EGFLAM: variants seen among roughly 807,000 people sequenced by gnomAD.
The protein encoded by EGFLAM is EGF like, fibronectin type III and laminin G domains, also known as pikachurin.
EGFLAM carries 79 observed loss-of-function variants against 113.1 expected under a neutral mutation model. That is an observed-to-expected ratio of 0.70 (90% CI 0.58 to 0.84). The LOEUF is 0.84. Ranked by LOEUF, EGFLAM falls within the 40% of genes least tolerant of loss-of-function variation. EGFLAM has a pLI of 0.00. For missense variants in EGFLAM, 1,265 were observed against 1,291.6 expected, an observed-to-expected ratio of 0.98 and a Z score of 0.32; for synonymous variants, 504 against 487.6, an observed-to-expected ratio of 1.03 and a Z score of -0.44.
intron 1 of EGFLAM, among the ~76,000 whole-genome samples, chr5:38,337,140 C>G (rs558607342): frequency 6.6e-6 from 1 of 152,272 alleles, no homozygotes; most frequent in East Asian, 1.9e-4. Context: ...ATACATAAAA[C>G]ATATATGCTA....
At chr5:38,321,997 A>G (rs938041776) in intron 1 of EGFLAM, among the ~76,000 whole-genome samples, 2 of 152,134 alleles carry the variant, frequency 1.3e-5, no homozygotes, top group Non-Finnish European at 2.9e-5. Context: ...TCAAATTCCA[A>G]TTTCTCAGAC....
intron 1 of EGFLAM, among the ~76,000 whole-genome samples, chr5:38,300,512 A>G (rs2111824271): frequency 6.6e-6 from 1 of 152,008 alleles, no homozygotes; most frequent in Non-Finnish European, 1.5e-5. Context: ...AGCAGCTGGG[A>G]CTACAGGCAC....
chr5:38,342,948 C>T (rs1356391737), intron 3 of EGFLAM, among the ~76,000 whole-genome samples: 3 of 152,122 alleles, frequency 2.0e-5, no homozygotes, highest in African/African-American at 4.8e-5. Flanking sequence ...TTGCTGTCCC[C>T]GGCGATGCAC....
chr5:38,460,309 C>T (rs946449550), intron 20 of EGFLAM, among the ~76,000 whole-genome samples: 1 of 152,222 alleles, frequency 6.6e-6, no homozygotes, highest in Admixed American at 6.5e-5. Context: ...TATCAAGATA[C>T]ACTCTGGTGA....
chr5:38,266,623 T>C (rs1029469469), intron 1 of EGFLAM, among the ~76,000 whole-genome samples: 2 of 152,234 alleles, frequency 1.3e-5, no homozygotes, highest in African/African-American at 4.8e-5. Context: ...GTAACTTGTA[T>C]TGAATTGTAA....
At chr5:38,411,667 G>A (rs1019764536) in intron 10 of EGFLAM, among the ~76,000 whole-genome samples, 2 of 151,836 alleles carry the variant, frequency 1.3e-5, no homozygotes, top group African/African-American at 4.8e-5. Flanking sequence ...ATTTTTAGTA[G>A]AGACAGGGTT....
chr5:38,361,045 T>C (rs1739907731), intron 5 of EGFLAM, among the ~76,000 whole-genome samples: 1 of 151,098 alleles, frequency 6.6e-6, no homozygotes. Flanking sequence ...TTTGTATTTT[T>C]AGTAGACACG....
intron 6 of EGFLAM, among the ~76,000 whole-genome samples, chr5:38,383,183 T>G (rs904964494): frequency 6.6e-6 from 1 of 152,186 alleles, no homozygotes; most frequent in African/African-American, 2.4e-5. Context: ...AATTTTAGAT[T>G]TTTTTCTGGT....
intron 3 of EGFLAM, among the ~76,000 whole-genome samples, chr5:38,341,541 A>C (rs1443581118): frequency 6.6e-6 from 1 of 152,210 alleles, no homozygotes; most frequent in Non-Finnish European, 1.5e-5. Context: ...GAGCCAAACC[A>C]TATCAACTAT....
At chr5:38,379,964 A>G (rs1740468308) in intron 6 of EGFLAM, among the ~76,000 whole-genome samples, 2 of 152,226 alleles carry the variant, frequency 1.3e-5, no homozygotes, top group South Asian at 2.1e-4. Context: ...AAGATAGTAA[A>G]TATTTTAGGA....
intron 17 of EGFLAM, among the ~76,000 whole-genome samples, chr5:38,442,920 C>G (rs1193118785): frequency 6.6e-6 from 1 of 152,256 alleles, no homozygotes; most frequent in Admixed American, 6.5e-5. Context: ...AACCCTAGGA[C>G]AACCAAACAT....
intron 6 of EGFLAM, among the ~76,000 whole-genome samples, chr5:38,399,476 C>A (rs1353172100): frequency 1.3e-5 from 2 of 151,990 alleles, no homozygotes; most frequent in African/African-American, 4.8e-5. Flanking sequence ...TGGGTTTTCG[C>A]TATGTTGTGC....
intron 19 of EGFLAM, among the ~76,000 whole-genome samples, chr5:38,454,491 AATG>A (rs1277367721): frequency 9.9e-5 from 15 of 152,178 alleles, no homozygotes; most frequent in Admixed American, 3.9e-4. Flanking sequence ...AATTAATGAT[AATG>A]ATAAGAAAAA....
At chr5:38,369,038 A>G (rs552266470) in intron 5 of EGFLAM, among the ~76,000 whole-genome samples, 27 of 152,316 alleles carry the variant, frequency 1.8e-4, no homozygotes, top group African/African-American at 5.5e-4. Flanking sequence ...CAGGCCATGC[A>G]CAATTATTTC....
At chr5:38,399,264 T>C (rs1741040744) in intron 6 of EGFLAM, among the ~76,000 whole-genome samples, 1 of 149,188 alleles carries the variant, frequency 6.7e-6, no homozygotes, top group Non-Finnish European at 1.5e-5. Context: ...GGTTCTTTTT[T>C]ATTTTTGTTT....
rs1202958409 is a variant in EGFLAM, at chr5:38,462,074, A to G, written c.2772-834A>G. Among the ~76,000 whole-genome samples the G allele has an allele frequency of 7.9e-5, 12 of 152,280 alleles. No individual in the cohort carries two copies. In the East Asian group the frequency reaches 2.1e-3, roughly 27 times the overall value. On this transcript the variant is annotated intron_variant, in intron 20 of 21. Coordinates refer to ENST00000322350, the MANE Select transcript of EGFLAM (RefSeq NM_152403.4). ...TCCCAGCTACTCGGGAGGCTGAGGC[A>G]GGAGAATGGCGTGAACCCCGGGGGG...
intron 13 of EGFLAM, 136 bp from the exon 14 acceptor site, chr5:38,426,873 A>G: frequency 7.4e-7 from 1 of 1,342,628 alleles, no homozygotes; most frequent in Non-Finnish European, 1.0e-6. Flanking sequence ...ATTCAGTCAC[A>G]CCACCAACCT....
At chr5:38,421,651 C>T (rs942247319) in intron 12 of EGFLAM, among the ~76,000 whole-genome samples, 2 of 152,176 alleles carry the variant, frequency 1.3e-5, no homozygotes, top group Non-Finnish European at 2.9e-5. Context: ...AGTAATCACA[C>T]AGTGAAGGTG....
At chr5:38,447,297 T>C (rs1742744669) in intron 17 of EGFLAM, among the ~76,000 whole-genome samples, 2 of 152,324 alleles carry the variant, frequency 1.3e-5, no homozygotes, top group South Asian at 4.1e-4. Context: ...AAGCCAGAAT[T>C]AAGAAGAGCT....
Sources: gnomAD v4.1 joint callset for allele counts (sites outside exome capture counted in the v4.1 genomes callset) on GRCh38, gnomAD v4.1.1 for gene constraint, MANE v1.5 for transcripts, NCBI Gene and HGNC (gene_info 2026-07-23, HGNC 2026-07-21) for gene names.